Variants in GLCE observed in about 807,000 individuals in gnomAD.
The protein encoded by GLCE is D-glucuronyl C5-epimerase.
GLCE carries 19 observed loss-of-function variants against 47.9 expected under a neutral mutation model. The ratio of observed to expected loss-of-function variants is 0.40; its 90% CI spans 0.28 to 0.58. GLCE has a LOEUF of 0.58. Ranked by LOEUF, GLCE falls within the 20% of genes least tolerant of loss-of-function variation. The pLI, the probability that GLCE is intolerant of heterozygous loss-of-function variation, is 0.48. For synonymous variants in GLCE, 245 were observed against 263.4 expected, an observed-to-expected ratio of 0.93 and a Z score of 0.68; for missense variants, 556 against 743.3, an observed-to-expected ratio of 0.75 and a Z score of 2.93.
chr15:69,205,502 G>T (rs1221228561), intron 1 of GLCE, among the ~76,000 whole-genome samples: 1 of 151,956 alleles, frequency 6.6e-6, no homozygotes, highest in Non-Finnish European at 1.5e-5. Flanking sequence ...TTTCTTTTGG[G>T]TAAAAATACA....
chr15:69,244,953 A>AT (rs1398238414), intron 2 of GLCE, among the ~76,000 whole-genome samples: 1 of 152,216 alleles, frequency 6.6e-6, no homozygotes, highest in African/African-American at 2.4e-5. Flanking sequence ...ACTCACACAC[A>AT]TTTTTTGGTT....
At chr15:69,252,426 G>A (rs985093865) in intron 2 of GLCE, among the ~76,000 whole-genome samples, 3 of 152,182 alleles carry the variant, frequency 2.0e-5, no homozygotes, top group African/African-American at 7.2e-5. Flanking sequence ...GGGAGTGTGG[G>A]CAATGCTTTT....
At chr15:69,167,458 T>C (rs946979896) in intron 1 of GLCE, among the ~76,000 whole-genome samples, 19 of 152,222 alleles carry the variant, frequency 1.2e-4, no homozygotes, top group African/African-American at 4.1e-4. Flanking sequence ...TTCCTTCCTC[T>C]TTTTCTTTCT....
At chr15:69,241,316 C>T (rs2052668522) in intron 2 of GLCE, among the ~76,000 whole-genome samples, 1 of 152,186 alleles carries the variant, frequency 6.6e-6, no homozygotes, top group South Asian at 2.1e-4. Context: ...ATTTTCAATT[C>T]TGCAAGACTT....
chr15:69,266,481 C>T (rs1364073226), intron 4 of GLCE, among the ~76,000 whole-genome samples: 2 of 152,122 alleles, frequency 1.3e-5, no homozygotes, highest in Non-Finnish European at 1.5e-5. Flanking sequence ...TGCCACTGCA[C>T]TTGGCTATTG....
chr15:69,256,863 ACTC>A (rs1182262836), intron 3 of GLCE, among the ~76,000 whole-genome samples: 2 of 152,050 alleles, frequency 1.3e-5, no homozygotes, highest in Non-Finnish European at 2.9e-5. Context: ...CTTATACTGA[ACTC>A]CTAGTCTATT....
chr15:69,248,487 A>G (rs1170052161), intron 2 of GLCE, among the ~76,000 whole-genome samples: 1 of 152,200 alleles, frequency 6.6e-6, no homozygotes, highest in Non-Finnish European at 1.5e-5. Context: ...TCTGTTTTTT[A>G]TCTTTTTAAT....
rs1219381577 is a variant in GLCE, at chr15:69,258,659, A to G, written c.586+2267A>G. Among the ~76,000 whole-genome samples the G allele has an allele frequency of 2.0e-5, 3 of 152,254 alleles. No homozygotes were observed. In the South Asian group the frequency reaches 6.2e-4, roughly 32 times the overall value. ...TTAGATATTTTGATACAGGCATGCAATGTATAATAATCATCACATCAGGGT... is the reference window on the plus strand; with the variant it reads ...TTAGATATTTTGATACAGGCATGCAGTGTATAATAATCATCACATCAGGGT... On this transcript the variant is annotated intron_variant, in intron 3 of 4. Transcript: ENST00000261858.
At chr15:69,177,076 A>G (rs937365056) in intron 1 of GLCE, among the ~76,000 whole-genome samples, 1 of 151,400 alleles carries the variant, frequency 6.6e-6, no homozygotes. Context: ...CTGGAGTGCA[A>G]TGGTGCAATC....
At position 69,161,781 on chromosome 15, in the gene GLCE, G is replaced by A. The variant is rs1409554393; in HGVS notation, c.-105+1024G>A. Among the ~76,000 whole-genome samples, 3 of 152,312 alleles carry A rather than the reference G, an allele frequency of 2.0e-5. No individual in the cohort carries two copies. In the East Asian group the frequency reaches 5.8e-4, roughly 29 times the overall value. Reference sequence around the variant, plus strand: ...CTGTGGGGGCGCGCTGGTCTCGCTGGAGCTCCGGGAGCTAGAGTGGCAGCA... The same window carrying A: ...CTGTGGGGGCGCGCTGGTCTCGCTGAAGCTCCGGGAGCTAGAGTGGCAGCA... On this transcript the variant is annotated intron_variant, in intron 1 of 4. Coordinates refer to ENST00000261858, the MANE Select transcript of GLCE (RefSeq NM_015554.3).
intron 2 of GLCE, among the ~76,000 whole-genome samples, chr15:69,250,085 T>G (rs2052816582): frequency 6.6e-6 from 1 of 152,176 alleles, no homozygotes; most frequent in South Asian, 2.1e-4. Flanking sequence ...TTTTTTTAAT[T>G]TATGAGTTTT....
chr15:69,250,260 T>C (rs2052819445), intron 2 of GLCE, among the ~76,000 whole-genome samples: 1 of 152,160 alleles, frequency 6.6e-6, no homozygotes, highest in African/African-American at 2.4e-5. Flanking sequence ...GTCAGTTTTC[T>C]ATAATTTGGC....
intron 4 of GLCE, among the ~76,000 whole-genome samples, chr15:69,264,625 A>T (rs1360268273): frequency 6.6e-6 from 1 of 152,108 alleles, no homozygotes; most frequent in Non-Finnish European, 1.5e-5. Context: ...ACTGTTTCCT[A>T]ATGACTATGC....
chr15:69,269,402 T>G lies in GLCE; in HGVS notation c.*158T>G. On this transcript the variant is annotated 3_prime_UTR_variant, in exon 5 of 5. Transcript: ENST00000261858. ...CCTTAAAACCAGCCTTCTAAAATAA[T>G]TGCATTCCATGGGTTGGGTATTTAG... 1 of 621,746 alleles carries G rather than the reference T, an allele frequency of 1.6e-6. No homozygotes were observed. The highest frequency in any genetic ancestry group is 2.7e-5 in the East Asian group (1 of 36,860). 38.5% of individuals were successfully genotyped at this position (621,746 alleles called of 1,614,324 possible).
At chr15:69,207,252 T>A (rs566292547) in intron 1 of GLCE, among the ~76,000 whole-genome samples, 1 of 152,122 alleles carries the variant, frequency 6.6e-6, no homozygotes, top group Non-Finnish European at 1.5e-5. Flanking sequence ...GCATCTTTGT[T>A]GATTTTTTAA....
intron 4 of GLCE, among the ~76,000 whole-genome samples, chr15:69,262,838 A>G (rs1000113057): frequency 2.8e-4 from 43 of 152,154 alleles, no homozygotes; most frequent in African/African-American, 9.7e-4. Context: ...CTAGCTGGGA[A>G]TGGAATTCTG....
At chr15:69,193,702 A>G (rs2051946694) in intron 1 of GLCE, among the ~76,000 whole-genome samples, 1 of 152,026 alleles carries the variant, frequency 6.6e-6, no homozygotes, top group South Asian at 2.1e-4. Flanking sequence ...ACTGACTCTC[A>G]GATGTCAATC....
chr15:69,168,302 A>C (rs956983778), intron 1 of GLCE, among the ~76,000 whole-genome samples: 1 of 152,170 alleles, frequency 6.6e-6, no homozygotes, highest in Non-Finnish European at 1.5e-5. Flanking sequence ...AAATTAAAAA[A>C]CATAAGACCC....
chr15:69,233,149 A>G (rs931832731), intron 2 of GLCE, among the ~76,000 whole-genome samples: 7 of 152,182 alleles, frequency 4.6e-5, no homozygotes, highest in Non-Finnish European at 8.8e-5. Flanking sequence ...TAGTCATCTT[A>G]AGGGGTTCCT....
Sources: allele counts gnomAD v4.1 joint callset (sites outside exome capture counted in the v4.1 genomes callset), GRCh38; gene constraint gnomAD v4.1.1; transcripts MANE v1.5; gene names NCBI Gene and HGNC (gene_info 2026-07-23, HGNC 2026-07-21).